Variants in RBPMS observed in about 807,000 individuals in gnomAD.
RBPMS encodes the protein RNA binding protein, mRNA processing factor.
RBPMS carries 7 observed loss-of-function variants against 26.8 expected under a neutral mutation model. The observed-to-expected ratio is 0.26, with a 90% confidence interval of 0.15 to 0.49. The LOEUF is 0.49. Ranked by LOEUF, RBPMS falls within the 20% of genes least tolerant of loss-of-function variation. RBPMS has a pLI of 0.98. For missense variants in RBPMS, 186 were observed against 250.0 expected (o/e 0.74, Z 1.73); for synonymous variants, 96 against 93.3 (o/e 1.03, Z -0.17).
intron 1 of RBPMS, among the ~76,000 whole-genome samples, chr8:30,463,369 C>T (rs1816157685): frequency 1.3e-5 from 2 of 152,188 alleles, no homozygotes; most frequent in Admixed American, 6.5e-5. Flanking sequence ...CATCTGAAGA[C>T]TTGACTAGGC....
chr8:30,489,926 T>C (rs1318829011), intron 4 of RBPMS, among the ~76,000 whole-genome samples: 2 of 151,954 alleles, frequency 1.3e-5, no homozygotes, highest in Non-Finnish European at 2.9e-5. Flanking sequence ...TTCTCCTGCC[T>C]CAGCCTCCCG....
chr8:30,518,687 C>CTTTTATTTTTTTTTTTTTT (rs1822628566), intron 5 of RBPMS, among the ~76,000 whole-genome samples: 1 of 18,236 alleles, frequency 5.5e-5, no homozygotes, highest in Non-Finnish European at 9.8e-5. Context: ...CCAAGCATGA[C>CTTTTATTTTTTTTTTTTTT]TTTTTTTTTT....
chr8:30,393,013 A>C (rs1423942011), intron 1 of RBPMS, among the ~76,000 whole-genome samples: 1 of 152,200 alleles, frequency 6.6e-6, no homozygotes, highest in African/African-American at 2.4e-5. Flanking sequence ...GAGGGTTAGC[A>C]AGGAAAGAGA....
chr8:30,567,458 T>C (rs1311700789), intron 8 of RBPMS, among the ~76,000 whole-genome samples: 1 of 152,246 alleles, frequency 6.6e-6, no homozygotes, highest in East Asian at 1.9e-4. Flanking sequence ...CAGCTGGGTC[T>C]ATCCCACTAG....
intron 8 of RBPMS, among the ~76,000 whole-genome samples, chr8:30,570,375 A>G (rs1828192314): frequency 6.6e-6 from 1 of 152,240 alleles, no homozygotes; most frequent in East Asian, 1.9e-4. Flanking sequence ...GTGACTGAAT[A>G]ATACAATATA....
rs1291186993 is a variant in RBPMS, at chr8:30,544,371, A to G, written c.398-123A>G. On this transcript the variant is annotated intron_variant, in intron 5 of 8. Coordinates refer to ENST00000397323, the MANE Select transcript of RBPMS (RefSeq NM_001008710.3). ...AAAGCCAACAAACAACAGGTTGTTA[A>G]AAGAATGAGAGTAATTTGACTTCCG... 4 of 965,062 alleles carry G rather than the reference A, an allele frequency of 4.1e-6. No homozygotes were observed. The African/African-American group carries it at 4.9e-5, about 12-fold the overall frequency. 59.8% of individuals were successfully genotyped at this position (965,062 alleles called of 1,614,324 possible). A position where few individuals can be genotyped will look rare whatever the true frequency, so the allele number is the denominator to read the frequency against.
At position 30,481,965 on chromosome 8, in the gene RBPMS, T is replaced by A. The variant is rs1480893320; in HGVS notation, c.246+2588T>A. On this transcript the variant is annotated intron_variant, in intron 4 of 8. Transcript: ENST00000397323. Reference sequence around the variant, plus strand: ...GTAAACTTCTTGCATCTAAGCCTTGTCCATTTTATACAACATCCTTTTGCT... The same window carrying A: ...GTAAACTTCTTGCATCTAAGCCTTGACCATTTTATACAACATCCTTTTGCT... 3.9e-5 allele frequency among the ~76,000 whole-genome samples: 6 copies of A among 152,346 alleles called. No individual in the cohort carries two copies. The South Asian group carries it at 8.3e-4, about 21-fold the overall frequency.
intron 4 of RBPMS, among the ~76,000 whole-genome samples, chr8:30,480,089 A>G (rs1295609543): frequency 6.6e-6 from 1 of 152,246 alleles, no homozygotes; most frequent in Non-Finnish European, 1.5e-5. Flanking sequence ...ATGTGGTTTC[A>G]GATGCTGAGG....
intron 5 of RBPMS, among the ~76,000 whole-genome samples, chr8:30,513,990 T>G (rs1244340717): frequency 6.6e-6 from 1 of 152,204 alleles, no homozygotes; most frequent in Non-Finnish European, 1.5e-5. Context: ...TATATTATTT[T>G]CACAAAAATA....
chr8:30,455,934 CG>C (rs1189322937), intron 1 of RBPMS, among the ~76,000 whole-genome samples: 1 of 152,014 alleles, frequency 6.6e-6, no homozygotes, highest in African/African-American at 2.4e-5. Flanking sequence ...TGCTTTTATT[CG>C]GGAATAAGCA....
At chr8:30,409,567 A>G (rs1340480440) in intron 1 of RBPMS, among the ~76,000 whole-genome samples, 1 of 152,222 alleles carries the variant, frequency 6.6e-6, no homozygotes, top group Admixed American at 6.5e-5. Context: ...GCTTTCCCCC[A>G]ATAGGACTGT....
At chr8:30,451,591 A>G (rs960354312) in intron 1 of RBPMS, among the ~76,000 whole-genome samples, 1 of 152,190 alleles carries the variant, frequency 6.6e-6, no homozygotes, top group African/African-American at 2.4e-5. Context: ...CAGGCTCTCT[A>G]GAAGTGTGAA....
At chr8:30,553,074 A>C (rs1194009931) in intron 6 of RBPMS, 2 of 152,248 alleles carry the variant, frequency 1.3e-5, no homozygotes, top group African/African-American at 2.4e-5. Context: ...AAGTCATACA[A>C]ATCTTGACAT....
intron 7 of RBPMS, chr8:30,564,769 G>T (rs752135063): frequency 2.0e-5 from 3 of 152,362 alleles, no homozygotes; most frequent in African/African-American, 7.2e-5. Flanking sequence ...TGGGGGCTCC[G>T]CGACTCCTGA....
intron 5 of RBPMS, 28 bp downstream of exon 5, chr8:30,504,464 G>A (rs746150834): frequency 3.7e-6 from 6 of 1,608,430 alleles, no homozygotes; most frequent in Non-Finnish European, 4.3e-6. Flanking sequence ...TCATTCAAAA[G>A]TAATAATAAC....
intron 1 of RBPMS, among the ~76,000 whole-genome samples, chr8:30,388,867 AAAGC>A (rs1434167574): frequency 2.1e-4 from 32 of 152,176 alleles, no homozygotes; most frequent in Admixed American, 1.4e-3. Context: ...TAAAACTAAA[AAAGC>A]AAAAAACGTG....
chr8:30,534,786 C>CTTT, intron 5 of RBPMS, among the ~76,000 whole-genome samples: 2 of 2 alleles, frequency 1, 1 homozygote, highest in Non-Finnish European at 1. Context: ...TTTGGGAGGC[C>CTTT]GAGGCGGGTG....
At chr8:30,567,582 T>C (rs16877178) in intron 8 of RBPMS, among the ~76,000 whole-genome samples, 262 of 152,374 alleles carry the variant, frequency 1.7e-3, no homozygotes, top group African/African-American at 6.0e-3. Context: ...TAAAAACCAG[T>C]TAAGCCACTT....
chr8:30,556,849 C>T, intron 6 of RBPMS: 2 of 886,736 alleles, frequency 2.3e-6, no homozygotes, highest in Non-Finnish European at 2.7e-6. Flanking sequence ...CTCCCCTAGA[C>T]TCTTCTGTCC....
Sources: gnomAD v4.1 joint callset for allele counts (sites outside exome capture counted in the v4.1 genomes callset) on GRCh38, gnomAD v4.1.1 for gene constraint, MANE v1.5 for transcripts, NCBI Gene and HGNC (gene_info 2026-07-23, HGNC 2026-07-21) for gene names.